Variants in TYRO3 observed in about 807,000 individuals in gnomAD.
TYRO3 encodes tyrosine-protein kinase receptor TYRO3.
A neutral mutation model predicts 95.2 loss-of-function variants in TYRO3; 38 were observed. That is an observed-to-expected ratio of 0.40 (90% CI 0.31 to 0.52). The LOEUF (loss-of-function observed/expected upper bound fraction) is 0.52, where lower values mean the gene tolerates loss of function less well. TYRO3 is among the 20% of genes least tolerant of loss of function. TYRO3 has a pLI of 0.56. For missense variants in TYRO3, 812 were observed against 1,116.4 expected (o/e 0.73, Z 3.89); for synonymous variants, 367 against 432.9 (o/e 0.85, Z 1.89).
chr15:41,565,335 T>A (rs371246300), intron 6 of TYRO3, among the ~76,000 whole-genome samples, 194 bp downstream of exon 6: 5 of 152,328 alleles, frequency 3.3e-5, no homozygotes, highest in African/African-American at 1.2e-4. Context: ...CTTTGCAGAT[T>A]GGCTCAAACT....
chr15:41,573,352 C>A lies in TYRO3; in HGVS notation c.2030C>A (p.Ser677Tyr). ...MTVCVADFGLSRKIYSGDYYR... is the reference protein window; with the variant it reads ...MTVCVADFGLYRKIYSGDYYR... ...GTGTGTGTGGCTGACTTCGGACTCT[C>A]CCGGAAGATCTACAGTGGGGACTAC... is the stretch of plus-strand genomic sequence containing the variant. The change falls in exon 17 of 19, where the codon TCC (serine) becomes TAC (tyrosine). Residue 677 changes from serine to tyrosine, a missense_variant. Transcript: ENST00000263798. 1 of 1,614,222 alleles carries A rather than the reference C, an allele frequency of 6.2e-7. No homozygotes were observed. The highest frequency in any genetic ancestry group is 8.5e-7 in the Non-Finnish European group (1 of 1,180,050).
At chr15:41,573,174 T>C in intron 16 of TYRO3, 63 bp downstream of exon 16, 1 of 1,416,354 alleles carries the variant, frequency 7.1e-7, no homozygotes, top group South Asian at 1.2e-5. Context: ...AGCTAGCTGA[T>C]GGTCGGCTCC....
Position 41,567,523 on chromosome 15 carries a change from A to G in TYRO3, c.947A>G (p.Gln316Arg). 1.3e-6 allele frequency: 2 copies of G among 1,577,514 alleles called. No individual in the cohort carries two copies. Among genetic ancestry groups the G allele is most frequent in the East Asian group, 2.4e-5 (1 of 42,382 alleles). ...CCCTATGCTGACTGGGTGCCCTTTC[A>G]GACCAAGGGTCTAGGTAAGGGATGC... ...PSPYADWVPF[Q>R]TKGLAPASAP... Residue 316 changes from glutamine (Q) to arginine (R), a missense_variant, in exon 7 of 19, where the codon CAG (glutamine) becomes CGG (arginine). Gln to Arg is a conservative substitution (Grantham distance 43). Transcript: ENST00000263798.
chr15:41,567,515 G>T lies in TYRO3; in HGVS notation c.939G>T (p.Val313=). ...GGCCCTCTCCCTATGCTGACTGGGT[G>T]CCCTTTCAGACCAAGGGTCTAGGTA... ...ALGPSPYADW[V]PFQTKGLAPA... is the part of the protein sequence containing the mutation. Residue 313 remains valine, a synonymous_variant, in exon 7 of 19, where the codon GTG becomes GTT. Coordinates refer to ENST00000263798, the MANE Select transcript of TYRO3 (RefSeq NM_006293.4). The T allele has an allele frequency of 6.3e-7, 1 of 1,582,698 alleles. No homozygotes were observed. Among genetic ancestry groups the T allele is most frequent in the Non-Finnish European group, 8.6e-7 (1 of 1,168,184 alleles).
intron 7 of TYRO3, among the ~76,000 whole-genome samples, chr15:41,567,871 C>T (rs145320893): frequency 1.1e-4 from 17 of 152,214 alleles, no homozygotes; most frequent in Non-Finnish European, 1.8e-4. Context: ...AAATCACTGC[C>T]GGAAGAAGGC....
rs2055932622 is a variant in TYRO3, at chr15:41,582,540, G to A, written c.*4264G>A. 1 of 151,770 alleles carries A rather than the reference G, an allele frequency of 6.6e-6. No individual in the cohort carries two copies. Among genetic ancestry groups the A allele is most frequent in the Non-Finnish European group, 1.5e-5 (1 of 67,930 alleles). The allele number at this position is 151,770 out of a possible 1,614,324, so 9.4% of individuals were successfully genotyped here. A position where few individuals can be genotyped will look rare whatever the true frequency, so the allele number is the denominator to read the frequency against. ...TCTCGGAAAAAAAAAAAATTAGCTG[G>A]GCGTGCTGGTGGGTGCCTGTAATCC... On this transcript the variant is annotated 3_prime_UTR_variant, in exon 19 of 19. Transcript: ENST00000263798.
chr15:41,561,145 C>A lies in TYRO3; in HGVS notation c.143C>A (p.Ala48Asp). Residue 48 changes from alanine (A) to aspartate (D), a missense_variant, in exon 2 of 19, where the codon GCC becomes GAC. Transcript: ENST00000263798. ...SAAAGLKLMG[A>D]PVKLTVSQGQ... Reference sequence around the variant, plus strand: ...CCCTCAGGTCTGAAGCTCATGGGAGCCCCGGTGAAGCTGACAGTGTCTCAG... The same window carrying A: ...CCCTCAGGTCTGAAGCTCATGGGAGACCCGGTGAAGCTGACAGTGTCTCAG... The A allele has an allele frequency of 1.9e-6, 3 of 1,614,196 alleles. No homozygotes were observed. The highest frequency in any genetic ancestry group is 2.5e-6 in the Non-Finnish European group (3 of 1,180,016).
chr15:41,567,519 T>G lies in TYRO3; in HGVS notation c.943T>G (p.Phe315Val). The change falls in exon 7 of 19, where the codon TTT (phenylalanine) becomes GTT (valine). Residue 315 changes from phenylalanine (F) to valine (V), a missense_variant. Coordinates refer to ENST00000263798, the MANE Select transcript of TYRO3 (RefSeq NM_006293.4). ...CTCTCCCTATGCTGACTGGGTGCCC[T>G]TTCAGACCAAGGGTCTAGGTAAGGG... ...GPSPYADWVP[F>V]QTKGLAPASA... is the part of the protein sequence containing the mutation. 6.3e-7 allele frequency: 1 copy of G among 1,579,050 alleles called. No individual in the cohort carries two copies. Among genetic ancestry groups the G allele is most frequent in the Non-Finnish European group, 8.6e-7 (1 of 1,166,640 alleles).
At position 41,578,264 on chromosome 15, in the gene TYRO3, C is replaced by T; in HGVS notation, c.2661C>T (p.His887=). 6.2e-7 allele frequency: 1 copy of T among 1,613,368 alleles called. No individual in the cohort carries two copies. The highest frequency in any genetic ancestry group is 1.1e-5 in the South Asian group (1 of 91,090). Reference sequence around the variant, plus strand: ...TGCTGCAGCAAGGGCTACTGCCACACAGTAGCTGTTAGCCCACAGGCAGAG... The same window carrying T: ...TGCTGCAGCAAGGGCTACTGCCACATAGTAGCTGTTAGCCCACAGGCAGAG... The part of the protein sequence containing the change: ...LLLLQQGLLP[H]SSC The change falls in exon 19 of 19, where the codon CAC becomes CAT. Residue 887 remains histidine, a synonymous_variant. Coordinates refer to ENST00000263798, the MANE Select transcript of TYRO3 (RefSeq NM_006293.4).
chr15:41,564,318 C>G (rs777822199), intron 5 of TYRO3, 48 bp downstream of exon 5: 15 of 1,558,696 alleles, frequency 9.6e-6, no homozygotes, highest in Middle Eastern at 1.7e-4. Context: ...AGGGGCATTC[C>G]CAGCGAGCTG....
In TYRO3 at chr15:41,567,553, A is replaced by G. The variant is rs2055739772; in HGVS notation, c.961+16A>G. ...AAGGGTCTAGGTAAGGGATGCATAG[A>G]GCAGAGCGGGTGGGCAGGGCTGGAG... On this transcript the variant is annotated intron_variant, in intron 7 of 18. Transcript: ENST00000263798. The G allele has an allele frequency of 1.4e-6, 2 of 1,461,696 alleles. No individual in the cohort carries two copies. The highest frequency in any genetic ancestry group is 9.1e-7 in the Non-Finnish European group (1 of 1,101,938). The allele number at this position is 1,461,696 out of a possible 1,614,324, so 90.5% of individuals were successfully genotyped here.
chr15:41,575,991 C>T (rs2055855223), intron 18 of TYRO3, among the ~76,000 whole-genome samples: 1 of 150,880 alleles, frequency 6.6e-6, no homozygotes, highest in Non-Finnish European at 1.5e-5. Flanking sequence ...GTAATGCCAG[C>T]TACTTGGGAA....
chr15:41,569,931 G>C, intron 9 of TYRO3, 96 bp from the exon 10 acceptor site: 1 of 1,481,608 alleles, frequency 6.7e-7, no homozygotes, highest in Non-Finnish European at 9.1e-7. Flanking sequence ...TGACCTAGAG[G>C]AGCCCCTTGA....
intron 5 of TYRO3, 74 bp downstream of exon 5, chr15:41,564,344 C>A: frequency 1.4e-6 from 2 of 1,463,730 alleles, no homozygotes; most frequent in Non-Finnish European, 1.9e-6. Context: ...CAGTTAGAAT[C>A]ATTCTGTGTT....
chr15:41,561,373 G>A, intron 2 of TYRO3, 63 bp downstream of exon 2: 1 of 1,474,046 alleles, frequency 6.8e-7, no homozygotes. Flanking sequence ...TCTTTCCTTG[G>A]GGATTGGGAG....
chr15:41,573,254 G>C, intron 16 of TYRO3, 54 bp from the exon 17 acceptor site: 1 of 1,608,224 alleles, frequency 6.2e-7, no homozygotes, highest in East Asian at 2.2e-5. Context: ...CCTGGCTCTT[G>C]TGGGCCTGTG....
rs1394669053 is a variant in TYRO3, at chr15:41,578,343, C to T, written c.*67C>T. ...TGGCCACTGAGCTGGCTGACTAAGCCCCGTCTGACCCCAGCCCAGACAGCA... is the reference window on the plus strand; with the variant it reads ...TGGCCACTGAGCTGGCTGACTAAGCTCCGTCTGACCCCAGCCCAGACAGCA... On this transcript the variant is annotated 3_prime_UTR_variant, in exon 19 of 19. Coordinates refer to ENST00000263798, the MANE Select transcript of TYRO3 (RefSeq NM_006293.4). 6.3e-7 allele frequency: 1 copy of T among 1,582,968 alleles called. No individual in the cohort carries two copies. Among genetic ancestry groups the T allele is most frequent in the Non-Finnish European group, 8.6e-7 (1 of 1,161,778 alleles).
chr15:41,572,951 C>G (rs1223449120), intron 15 of TYRO3, 51 bp from the exon 16 acceptor site: 1 of 1,251,500 alleles, frequency 8.0e-7, no homozygotes, highest in East Asian at 2.4e-5. Flanking sequence ...ATCCATCCTG[C>G]CCCAGCTGGG....
Position 41,560,393 on chromosome 15 carries a change from A to ATGTGTGTGTGTGTGTGTGTGTG in TYRO3, c.125-719_125-698dup, listed in dbSNP as rs369495054. 1.4e-3 allele frequency among the ~76,000 whole-genome samples: 165 copies of ATGTGTGTGTGTGTGTGTGTGTG among 120,426 alleles called. 2 individuals are homozygous for ATGTGTGTGTGTGTGTGTGTGTG. The highest frequency in any genetic ancestry group is 2.4e-3 in the African/African-American group (76 of 31,428). The allele number at this position is 120,426 out of a possible 152,430, so 79.0% of individuals were successfully genotyped here. A position where few individuals can be genotyped will look rare whatever the true frequency, so the allele number is the denominator to read the frequency against. Reference sequence around the variant, plus strand: ...CCAGGAGGCCAGGAGAGGTGCGTGTATGTGTGTGTGTGTGTGTGTGTGTGT... The same window carrying ATGTGTGTGTGTGTGTGTGTGTG: ...CCAGGAGGCCAGGAGAGGTGCGTGTATGTGTGTGTGTGTGTGTGTGTGTGTGTGTGTGTGTGTGTGTGTGTGT... On this transcript the variant is annotated intron_variant, in intron 1 of 18. Transcript: ENST00000263798.
Sources: gnomAD v4.1 joint callset for allele counts (sites outside exome capture counted in the v4.1 genomes callset) on GRCh38, gnomAD v4.1.1 for gene constraint, MANE v1.5 for transcripts, NCBI Gene and HGNC (gene_info 2026-07-23, HGNC 2026-07-21) for gene names.